Variants in SUPT3H observed in about 807,000 individuals in gnomAD.
SUPT3H encodes SPT3 homolog, SAGA and STAGA complex component.
A neutral mutation model predicts 44.3 loss-of-function variants in SUPT3H; 44 were observed. The observed-to-expected ratio is 0.99, with a 90% confidence interval of 0.78 to 1.28. The LOEUF (loss-of-function observed/expected upper bound fraction) is 1.28. Among genes scored for constraint, SUPT3H ranks in the 50% most tolerant of loss-of-function variants. SUPT3H has a pLI of 0.00. For missense variants in SUPT3H, 380 were observed against 387.1 expected (o/e 0.98, Z 0.15); for synonymous variants, 124 against 125.6 (o/e 0.99, Z 0.09).
intron 2 of SUPT3H, among the ~76,000 whole-genome samples, chr6:45,122,930 T>C (rs1801880246): frequency 6.6e-6 from 1 of 152,206 alleles, no homozygotes; most frequent in South Asian, 2.1e-4. Flanking sequence ...ATCATTAACA[T>C]GTTTGAGAAC....
intron 3 of SUPT3H, among the ~76,000 whole-genome samples, chr6:45,060,837 A>G (rs544724981): frequency 5.3e-4 from 80 of 152,346 alleles, no homozygotes; most frequent in African/African-American, 1.8e-3. Flanking sequence ...GCAAACAAAC[A>G]TATGAAAAAA....
chr6:44,833,537 T>G (rs961292013), intron 10 of SUPT3H, among the ~76,000 whole-genome samples: 1 of 152,142 alleles, frequency 6.6e-6, no homozygotes, highest in Admixed American at 6.5e-5. Flanking sequence ...TCACAATATT[T>G]AATTTGAACT....
intron 10 of SUPT3H, among the ~76,000 whole-genome samples, chr6:44,925,434 A>G (rs1769370268): frequency 6.6e-6 from 1 of 152,228 alleles, no homozygotes. Flanking sequence ...AAGTTACCTG[A>G]TAACATGCAA....
intron 3 of SUPT3H, among the ~76,000 whole-genome samples, chr6:45,089,878 A>G (rs1796925169): frequency 6.6e-6 from 1 of 152,034 alleles, no homozygotes; most frequent in South Asian, 2.1e-4. Context: ...GCCACTCTCT[A>G]AAATTTTTAA....
In SUPT3H at chr6:44,920,258, T is replaced by TTTCA. The variant is rs546082600; in HGVS notation, c.912+12394_912+12395insTGAA. On this transcript the variant is annotated intron_variant, in intron 10 of 10. Transcript: ENST00000371459. The stretch of plus-strand genomic sequence containing the variant: ...AAAAAAATCTGAAATAGCTCCTTAA[T>TTTCA]GACTATGTCTGTTGTTTAAAAGAAA... Among the ~76,000 whole-genome samples, 357 of 152,234 alleles carry TTTCA rather than the reference T, an allele frequency of 2.3e-3. 6 individuals carry two copies. The highest frequency in any genetic ancestry group is 3.2e-4 in the Non-Finnish European group (22 of 68,000).
intron 3 of SUPT3H, among the ~76,000 whole-genome samples, chr6:45,066,226 T>C (rs1427647595): frequency 1.3e-5 from 2 of 151,932 alleles, no homozygotes; most frequent in Admixed American, 1.3e-4. Flanking sequence ...ATTATCTCAA[T>C]AGGTGCAGAA....
At chr6:45,112,688 G>A (rs1800245008) in intron 2 of SUPT3H, among the ~76,000 whole-genome samples, 1 of 152,136 alleles carries the variant, frequency 6.6e-6, no homozygotes. Context: ...AAGAGATTCT[G>A]AAAAAGAAGC....
intron 2 of SUPT3H, among the ~76,000 whole-genome samples, chr6:45,150,104 C>G (rs1295705965): frequency 6.6e-6 from 1 of 152,056 alleles, no homozygotes; most frequent in African/African-American, 2.4e-5. Context: ...AACTGTTATT[C>G]TAAAATAATC....
At chr6:44,815,075 A>G (rs981524218) in intron 11 of SUPT3H, among the ~76,000 whole-genome samples, 1 of 152,098 alleles carries the variant, frequency 6.6e-6, no homozygotes, top group African/African-American at 2.4e-5. Context: ...TTATGAACAT[A>G]TTGTGTGTGT....
At chr6:44,867,114 T>C (rs878900166) in intron 10 of SUPT3H, among the ~76,000 whole-genome samples, 1 of 152,126 alleles carries the variant, frequency 6.6e-6, no homozygotes, top group East Asian at 1.9e-4. Flanking sequence ...ATTAAATCTT[T>C]AAAGAACTTT....
chr6:44,854,222 A>AT (rs745705299), intron 10 of SUPT3H, among the ~76,000 whole-genome samples: 22 of 152,026 alleles, frequency 1.4e-4, no homozygotes, highest in South Asian at 6.2e-4. Flanking sequence ...TGCAGGAATG[A>AT]TTTTTTTTGT....
At chr6:45,270,449 T>C (rs1301315705) in intron 2 of SUPT3H, among the ~76,000 whole-genome samples, 1 of 152,084 alleles carries the variant, frequency 6.6e-6, no homozygotes, top group African/African-American at 2.4e-5. Flanking sequence ...AGTACATAAG[T>C]CTCACGAGAT....
chr6:45,163,727 G>A (rs1236418229), intron 2 of SUPT3H, among the ~76,000 whole-genome samples: 1 of 150,704 alleles, frequency 6.6e-6, no homozygotes, highest in Non-Finnish European at 1.5e-5. Context: ...GAGGATCACT[G>A]CCATACTTTT....
At chr6:45,075,901 G>C (rs570883266) in intron 3 of SUPT3H, among the ~76,000 whole-genome samples, 1 of 151,984 alleles carries the variant, frequency 6.6e-6, no homozygotes, top group South Asian at 2.1e-4. Flanking sequence ...TGTGTACCTA[G>C]GATTATAATA....
At position 45,271,221 on chromosome 6, in the gene SUPT3H, A is replaced by C. The variant is rs138811858; in HGVS notation, c.101+93980T>G. 1.8e-3 allele frequency among the ~76,000 whole-genome samples: 268 copies of C among 152,358 alleles called. 3 individuals are homozygous for C. Among genetic ancestry groups the C allele is most frequent in the African/African-American group, 6.3e-3 (262 of 41,578 alleles). ...GCTGCAGAAATTTGCATAAGTAACA[A>C]GGAGCTACATGTTAATCCCCAAGAT... On this transcript the variant is annotated intron_variant, in intron 2 of 10. Coordinates refer to ENST00000371459, the MANE Select transcript of SUPT3H (RefSeq NM_003599.4).
At chr6:44,990,746 A>G (rs1047372280) in intron 6 of SUPT3H, among the ~76,000 whole-genome samples, 5 of 152,124 alleles carry the variant, frequency 3.3e-5, no homozygotes, top group Non-Finnish European at 5.9e-5. Flanking sequence ...TCACTTGAAT[A>G]ACTTCTACAG....
At chr6:45,145,583 C>CAA (rs1805917626) in intron 2 of SUPT3H, among the ~76,000 whole-genome samples, 1 of 151,926 alleles carries the variant, frequency 6.6e-6, no homozygotes, top group African/African-American at 2.4e-5. Context: ...TAACATTAGA[C>CAA]AAAGTCTTCT....
chr6:45,346,517 A>G (rs1403345594), intron 2 of SUPT3H, among the ~76,000 whole-genome samples: 1 of 151,502 alleles, frequency 6.6e-6, no homozygotes, highest in African/African-American at 2.4e-5. Flanking sequence ...CTTTCTTTTC[A>G]CATCATCTAG....
chr6:45,157,096 C>T (rs1807951132), intron 2 of SUPT3H, among the ~76,000 whole-genome samples: 1 of 152,034 alleles, frequency 6.6e-6, no homozygotes, highest in African/African-American at 2.4e-5. Flanking sequence ...TCTGTTAAAA[C>T]ACTGGTGAAA....
Sources: allele counts gnomAD v4.1 joint callset (sites outside exome capture counted in the v4.1 genomes callset), GRCh38; gene constraint gnomAD v4.1.1; transcripts MANE v1.5; gene names NCBI Gene and HGNC (gene_info 2026-07-23, HGNC 2026-07-21).